The following SLC35F3 variants were observed in gnomAD, a reference collection of about 807,000 sequenced individuals.
The protein encoded by SLC35F3 is solute carrier family 35 member F3, also known as putative thiamine transporter SLC35F3.
Under a neutral mutation model 49.9 loss-of-function variants are expected in SLC35F3, and 25 were observed. The ratio of observed to expected loss-of-function variants is 0.50; its 90% CI spans 0.37 to 0.70. The LOEUF is 0.70. SLC35F3 is among the 30% of genes least tolerant of loss of function. The probability of loss-of-function intolerance (pLI) is 0.00; values close to 1 mark genes in which losing one functional copy is unlikely to be tolerated. For synonymous variants in SLC35F3, 275 were observed against 265.4 expected, an observed-to-expected ratio of 1.04 and a Z score of -0.35; for missense variants, 525 against 639.8, an observed-to-expected ratio of 0.82 and a Z score of 1.94.
chr1:234,172,446 C>T (rs1411999120), intron 2 of SLC35F3, among the ~76,000 whole-genome samples: 6 of 152,076 alleles, frequency 3.9e-5, no homozygotes, highest in African/African-American at 1.4e-4. Flanking sequence ...AGGCTGGTCT[C>T]GAACTCATGA....
chr1:234,018,896 C>T (rs748816259), intron 2 of SLC35F3, among the ~76,000 whole-genome samples: 2 of 152,276 alleles, frequency 1.3e-5, no homozygotes, highest in East Asian at 1.9e-4. Context: ...GTTGGGTGTG[C>T]GCACTGAGTA....
intron 2 of SLC35F3, among the ~76,000 whole-genome samples, chr1:234,197,942 G>A (rs1666840107): frequency 6.6e-6 from 1 of 152,184 alleles, no homozygotes; most frequent in Non-Finnish European, 1.5e-5. Context: ...GATCAAATAG[G>A]TTTATTCCTC....
At position 234,231,439 on chromosome 1, in the gene SLC35F3, C is replaced by T. The variant is rs1228032247; in HGVS notation, c.306C>T (p.Ser102=). Residue 102 remains serine (S), a synonymous_variant, in exon 3 of 8, where the codon TCC becomes TCT. Transcript: ENST00000366618. This position sits in a 1 kb window ranked among gnomAD's most constrained non-coding sequence, Gnocchi z 5.4. ...CAGGGGAGGAGCGCCCCCGGGACTC[C>T]CCGGGCCCGGCGGAGGCCCAGGCAC... is the stretch of plus-strand genomic sequence containing the variant. ...SCKREERPRD[S]PGPAEAQAPA... is the part of the protein sequence containing the mutation. The T allele has an allele frequency of 6.3e-7, 1 of 1,595,452 alleles. No individual in the cohort carries two copies. Among genetic ancestry groups the T allele is most frequent in the Admixed American group, 1.7e-5 (1 of 58,278 alleles).
At chr1:234,220,353 T>C (rs1335496454) in intron 2 of SLC35F3, among the ~76,000 whole-genome samples, 5 of 152,064 alleles carry the variant, frequency 3.3e-5, no homozygotes, top group Non-Finnish European at 5.9e-5. Flanking sequence ...ATTGAAGGTA[T>C]AGCGAAAAAT....
intron 2 of SLC35F3, among the ~76,000 whole-genome samples, chr1:234,192,124 A>C (rs1185036575): frequency 6.6e-6 from 1 of 152,118 alleles, no homozygotes. Flanking sequence ...GTATCACCCT[A>C]ATACCAAAAC....
intron 2 of SLC35F3, among the ~76,000 whole-genome samples, chr1:234,100,841 G>A (rs1665204001): frequency 6.6e-6 from 1 of 152,196 alleles, no homozygotes; most frequent in South Asian, 2.1e-4. Flanking sequence ...GCCAGAAAGT[G>A]CGATGCCAGG....
chr1:233,916,953 A>G (rs910085034), intron 2 of SLC35F3, among the ~76,000 whole-genome samples: 1 of 70,682 alleles, frequency 1.4e-5, no homozygotes. Flanking sequence ...TTGTTAATCT[A>G]TTTATTCAGT....
In SLC35F3 at chr1:234,057,247, G is replaced by A. The variant is rs114971888; in HGVS notation, c.283+151489G>A. Among the ~76,000 whole-genome samples the A allele has an allele frequency of 8.5e-3, 1,292 of 152,022 alleles. 15 individuals are homozygous for A. The highest frequency in any genetic ancestry group is 0.03 in the African/African-American group (1,255 of 41,466). On this transcript the variant is annotated intron_variant, in intron 2 of 7. Coordinates refer to ENST00000366618, the MANE Select transcript of SLC35F3 (RefSeq NM_173508.4). The stretch of plus-strand genomic sequence containing the variant: ...TGCACTGACTAGGTAGATTAATTTG[G>A]GGAAGTATTGCCATTTAACAGTGTT...
chr1:234,204,293 T>C (rs1377101515), intron 2 of SLC35F3, among the ~76,000 whole-genome samples: 2 of 152,170 alleles, frequency 1.3e-5, no homozygotes, highest in African/African-American at 4.8e-5. Context: ...TCAATTTTTA[T>C]TCTCATCAGC....
At chr1:234,187,464 T>C (rs184383958) in intron 2 of SLC35F3, among the ~76,000 whole-genome samples, 6 of 152,212 alleles carry the variant, frequency 3.9e-5, no homozygotes, top group Admixed American at 2.6e-4. Context: ...GGGAGTCACA[T>C]TGTGAACTTC....
At chr1:234,135,468 C>T (rs115251683) in intron 2 of SLC35F3, among the ~76,000 whole-genome samples, 201 of 152,204 alleles carry the variant, frequency 1.3e-3, no homozygotes, top group African/African-American at 4.8e-3. Context: ...GGTCACAAGC[C>T]CACCCCAGGT....
At chr1:234,285,545 T>C (rs1241828370) in intron 3 of SLC35F3, 3 of 337,030 alleles carry the variant, frequency 8.9e-6, no homozygotes, top group African/African-American at 2.2e-5. Context: ...CTGATGAATA[T>C]GATCTAAGAG....
At chr1:234,081,267 T>C (rs1664871802) in intron 2 of SLC35F3, among the ~76,000 whole-genome samples, 1 of 152,244 alleles carries the variant, frequency 6.6e-6, no homozygotes, top group Admixed American at 6.5e-5. Context: ...TTATCATAGA[T>C]CTAATGCCAT....
At chr1:234,169,399 C>T (rs1158578223) in intron 2 of SLC35F3, among the ~76,000 whole-genome samples, 1 of 152,182 alleles carries the variant, frequency 6.6e-6, no homozygotes, top group Non-Finnish European at 1.5e-5. Flanking sequence ...CTCACCTCAG[C>T]CCAGCAGATG....
In SLC35F3 at chr1:233,940,179, T is replaced by C. The variant is rs1043317534; in HGVS notation, c.283+34421T>C. The stretch of plus-strand genomic sequence containing the variant: ...TTGCCTTTTTCACTTAATCTATGTA[T>C]GCATATATTATTATGTATGCACACA... On this transcript the variant is annotated intron_variant, in intron 2 of 7. Transcript: ENST00000366618. 2.6e-5 allele frequency among the ~76,000 whole-genome samples: 4 copies of C among 152,178 alleles called. No homozygotes were observed. The South Asian group carries it at 8.3e-4, about 31-fold the overall frequency.
intron 3 of SLC35F3, among the ~76,000 whole-genome samples, chr1:234,234,562 T>C (rs553780922): frequency 2.0e-5 from 3 of 152,286 alleles, no homozygotes; most frequent in East Asian, 3.9e-4. Context: ...ACTTTAACTG[T>C]AAATGCCCTG....
At chr1:234,051,421 C>T (rs1256991020) in intron 2 of SLC35F3, among the ~76,000 whole-genome samples, 1 of 152,250 alleles carries the variant, frequency 6.6e-6, no homozygotes, top group South Asian at 2.1e-4. Context: ...GGAGTTCACT[C>T]ATGATTTGGC....
chr1:234,138,960 T>C (rs1665848361), intron 2 of SLC35F3, among the ~76,000 whole-genome samples: 1 of 152,226 alleles, frequency 6.6e-6, no homozygotes, highest in Non-Finnish European at 1.5e-5. Context: ...CTTTCTGGTG[T>C]GATGCTACTT....
intron 3 of SLC35F3, among the ~76,000 whole-genome samples, chr1:234,239,144 T>C (rs1206077188): frequency 6.6e-6 from 1 of 152,236 alleles, no homozygotes; most frequent in African/African-American, 2.4e-5. Context: ...CCATGGTCCC[T>C]GTGAATATTT....
Sources: gnomAD v4.1 joint callset for allele counts (sites outside exome capture counted in the v4.1 genomes callset) on GRCh38, gnomAD v4.1.1 for gene constraint, Gnocchi (gnomAD v3.1) non-coding constraint, MANE v1.5 for transcripts, NCBI Gene and HGNC (gene_info 2026-07-23, HGNC 2026-07-21) for gene names.